Variants in NELL1 observed in about 807,000 individuals in gnomAD.
NELL1 encodes the protein neural EGFL like 1.
Under a neutral mutation model 107.4 loss-of-function variants are expected in NELL1, and 76 were observed. The ratio of observed to expected loss-of-function variants is 0.71; its 90% CI spans 0.59 to 0.86. NELL1 has a LOEUF of 0.86. Among genes scored for constraint, NELL1 ranks in the 40% least tolerant of loss-of-function variants. The pLI, the probability that NELL1 is intolerant of heterozygous loss-of-function variation, is 0.00. For synonymous variants in NELL1, 353 were observed against 341.2 expected (o/e 1.03, Z -0.38); for missense variants, 1,024 against 1,005.5 (o/e 1.02, Z -0.25).
chr11:21,235,832 C>T (rs933104471), intron 14 of NELL1, among the ~76,000 whole-genome samples: 7 of 152,118 alleles, frequency 4.6e-5, no homozygotes, highest in Non-Finnish European at 8.8e-5. Flanking sequence ...TGGACATAGA[C>T]TGAAGGAGTG....
At chr11:20,933,564 T>TG (rs1249146627) in intron 9 of NELL1, among the ~76,000 whole-genome samples, 1 of 152,176 alleles carries the variant, frequency 6.6e-6, no homozygotes, top group Non-Finnish European at 1.5e-5. Context: ...GAAGGATCTT[T>TG]GGGTGTTCAG....
rs1163339587 is a variant in NELL1, at chr11:21,392,746, A to AG, written c.1645+21798_1645+21799insG. ...AAATGTCATCCACTTTCAAAGAAAA[A>AG]AGGTTAATGGAATGAATACAATTTT... On this transcript the variant is annotated intron_variant, in intron 15 of 19. Transcript: ENST00000357134. Among the ~76,000 whole-genome samples the AG allele has an allele frequency of 3.3e-5, 5 of 151,790 alleles. No individual in the cohort carries two copies. The East Asian group carries it at 9.8e-4, about 30-fold the overall frequency.
intron 15 of NELL1, among the ~76,000 whole-genome samples, chr11:21,450,840 T>C (rs1470037556): frequency 6.6e-6 from 1 of 152,104 alleles, no homozygotes; most frequent in African/African-American, 2.4e-5. Context: ...TGAGTATATA[T>C]TGCTTACTGA....
At chr11:20,903,138 C>T (rs979717690) in intron 5 of NELL1, among the ~76,000 whole-genome samples, 46 of 151,830 alleles carry the variant, frequency 3.0e-4, no homozygotes, top group South Asian at 2.1e-4. Context: ...GGGTGATAAT[C>T]CACATATATA....
At chr11:20,977,679 G>T (rs1851666416) in intron 12 of NELL1, among the ~76,000 whole-genome samples, 1 of 152,188 alleles carries the variant, frequency 6.6e-6, no homozygotes, top group East Asian at 1.9e-4. Flanking sequence ...AGCATGGAGA[G>T]CAGGCTCCAA....
chr11:20,955,732 C>T (rs542212419), intron 11 of NELL1, among the ~76,000 whole-genome samples: 83 of 152,250 alleles, frequency 5.5e-4, no homozygotes, highest in African/African-American at 2.0e-3. Flanking sequence ...GCATGCCAGG[C>T]ATATTATAAG....
At chr11:21,138,738 A>C (rs909719917) in intron 13 of NELL1, among the ~76,000 whole-genome samples, 5 of 152,210 alleles carry the variant, frequency 3.3e-5, no homozygotes, top group African/African-American at 9.6e-5. Context: ...TTGATTGTTC[A>C]AATAACAATC....
At chr11:20,795,530 A>T (rs994640368) in intron 3 of NELL1, among the ~76,000 whole-genome samples, 2 of 152,236 alleles carry the variant, frequency 1.3e-5, no homozygotes, top group South Asian at 4.1e-4. Flanking sequence ...GTTAATATAG[A>T]GCTTTGTTAA....
At chr11:21,190,168 C>T (rs1449627211) in intron 13 of NELL1, among the ~76,000 whole-genome samples, 3 of 151,840 alleles carry the variant, frequency 2.0e-5, no homozygotes, top group Admixed American at 2.0e-4. Flanking sequence ...GCCTGACCAA[C>T]ATGGCGAAAT....
At chr11:20,872,568 T>C (rs564795936) in intron 4 of NELL1, among the ~76,000 whole-genome samples, 1 of 152,164 alleles carries the variant, frequency 6.6e-6, no homozygotes, top group South Asian at 2.1e-4. Flanking sequence ...CTAGTAAAGT[T>C]TGGGAATTGC....
chr11:21,321,688 T>C (rs1207516024), intron 14 of NELL1, among the ~76,000 whole-genome samples: 1 of 152,182 alleles, frequency 6.6e-6, no homozygotes, highest in African/African-American at 2.4e-5. Context: ...AAGCTGCAGC[T>C]GGAGATGTGA....
intron 4 of NELL1, among the ~76,000 whole-genome samples, chr11:20,854,421 T>C (rs1848843947): frequency 6.6e-6 from 1 of 152,176 alleles, no homozygotes; most frequent in Admixed American, 6.5e-5. Flanking sequence ...TTTAGCACCA[T>C]GGAGAGCAAC....
chr11:20,880,527 C>G (rs916450818), intron 4 of NELL1, among the ~76,000 whole-genome samples: 3 of 152,176 alleles, frequency 2.0e-5, no homozygotes, highest in Non-Finnish European at 4.4e-5. Flanking sequence ...GCGATACGAA[C>G]CCAAACATGT....
chr11:21,466,419 C>CTT (rs1419735932), intron 15 of NELL1, among the ~76,000 whole-genome samples: 6 of 152,122 alleles, frequency 3.9e-5, no homozygotes, highest in Non-Finnish European at 8.8e-5. Context: ...CACTCCAACT[C>CTT]TTTCTTGTGA....
intron 12 of NELL1, among the ~76,000 whole-genome samples, chr11:21,023,006 C>T (rs1383845435): frequency 6.6e-6 from 1 of 152,024 alleles, no homozygotes; most frequent in African/African-American, 2.4e-5. Flanking sequence ...ATATCTTACT[C>T]ATTAGTGCTC....
intron 14 of NELL1, among the ~76,000 whole-genome samples, chr11:21,263,278 A>G (rs1275878301): frequency 6.6e-6 from 1 of 151,962 alleles, no homozygotes; most frequent in Admixed American, 6.6e-5. Flanking sequence ...CTCATACTTA[A>G]GAGCTCTGCA....
chr11:20,940,167 C>G (rs1590440775), intron 10 of NELL1, among the ~76,000 whole-genome samples: 4 of 151,982 alleles, frequency 2.6e-5, no homozygotes, highest in East Asian at 1.9e-4. Context: ...CTCTCTCTCT[C>G]CCTCCCTTCC....
chr11:21,338,157 A>G lies in NELL1; in HGVS notation c.1550-32696A>G, dbSNP rs568701141. Among the ~76,000 whole-genome samples, 64 of 152,284 alleles carry G rather than the reference A, an allele frequency of 4.2e-4. 1 individual carries two copies. Among genetic ancestry groups the G allele is most frequent in the Middle Eastern group, 3.4e-3 (1 of 292 alleles). ...GATGTACAGATATAATGACAATGCA[A>G]TGTAAAAATAAAATGCCGGTGTCAT... On this transcript the variant is annotated intron_variant, in intron 14 of 19. Coordinates refer to ENST00000357134, the MANE Select transcript of NELL1 (RefSeq NM_006157.5).
intron 12 of NELL1, among the ~76,000 whole-genome samples, chr11:21,032,733 C>T (rs1276389066): frequency 6.6e-6 from 1 of 152,168 alleles, no homozygotes; most frequent in Non-Finnish European, 1.5e-5. Flanking sequence ...TTTCTTGTTA[C>T]TTTTTCCAGA....
Sources: gnomAD v4.1 joint callset for allele counts (sites outside exome capture counted in the v4.1 genomes callset) on GRCh38, gnomAD v4.1.1 for gene constraint, MANE v1.5 for transcripts, NCBI Gene and HGNC (gene_info 2026-07-23, HGNC 2026-07-21) for gene names.